Variants in SPRED2 observed in about 807,000 individuals in gnomAD.
SPRED2 encodes the protein sprouty-related, EVH1 domain-containing protein 2.
In SPRED2, 47 loss-of-function variants were observed where a neutral mutation model predicts 43.0. That is an observed-to-expected ratio of 1.09 (90% CI 0.87 to 1.40). The LOEUF (loss-of-function observed/expected upper bound fraction) is 1.40, where lower values mean the gene tolerates loss of function less well. Ranked by LOEUF, SPRED2 falls within the 40% of genes most tolerant of loss-of-function variation. The pLI, the probability that SPRED2 is intolerant of heterozygous loss-of-function variation, is 0.00. For synonymous variants in SPRED2, 225 were observed against 225.7 expected, an observed-to-expected ratio of 1.00 and a Z score of 0.03; for missense variants, 561 against 586.4, an observed-to-expected ratio of 0.96 and a Z score of 0.45.
chr2:65,374,517 C>T (rs1272410772), intron 1 of SPRED2, among the ~76,000 whole-genome samples: 3 of 152,170 alleles, frequency 2.0e-5, no homozygotes, highest in Non-Finnish European at 4.4e-5. Context: ...AAACAAATCC[C>T]AAAATTCTGT....
In SPRED2 at chr2:65,311,307, G is replaced by C; in HGVS notation, c.*2194C>G. ...CATGGCTGTCTTTGTGCCCTTAACC[G>C]ATGCCTTCACAAACCAAAAAGTATA... is the stretch of plus-strand genomic sequence containing the variant. On this transcript the variant is annotated 3_prime_UTR_variant, in exon 6 of 6. Transcript: ENST00000356388. 1.0e-6 allele frequency: 1 copy of C among 985,794 alleles called. No homozygotes were observed. Among genetic ancestry groups the C allele is most frequent in the Non-Finnish European group, 1.2e-6 (1 of 829,910 alleles). The allele number at this position is 985,794 out of a possible 1,614,324, so 61.1% of individuals were successfully genotyped here. A position where few individuals can be genotyped will look rare whatever the true frequency, so the allele number is the denominator to read the frequency against.
chr2:65,317,171 G>T (rs1236044353), intron 4 of SPRED2, among the ~76,000 whole-genome samples: 1 of 152,148 alleles, frequency 6.6e-6, no homozygotes, highest in East Asian at 1.9e-4. Context: ...GGGGGGAAAG[G>T]CTGGATATAC....
At chr2:65,387,895 C>T (rs990042714) in intron 1 of SPRED2, among the ~76,000 whole-genome samples, 2 of 151,862 alleles carry the variant, frequency 1.3e-5, no homozygotes, top group African/African-American at 2.4e-5. Context: ...CACATTCAAG[C>T]GATTCTCCTG....
intron 1 of SPRED2, among the ~76,000 whole-genome samples, chr2:65,401,937 G>GCGCGCGCGCACACACACACACACA (rs776512353): frequency 8.7e-6 from 1 of 114,714 alleles, no homozygotes; most frequent in South Asian, 2.6e-4. Context: ...GCGCGCGCGC[G>GCGCGCGCGCACACACACACACACA]CACACACACA....
chr2:65,349,159 T>C (rs1387861765), intron 1 of SPRED2, among the ~76,000 whole-genome samples: 2 of 151,924 alleles, frequency 1.3e-5, no homozygotes, highest in African/African-American at 4.8e-5. Flanking sequence ...GTACAAAAAT[T>C]AGCTGGGCGT....
Position 65,431,994 on chromosome 2 carries a change from G to C in SPRED2, c.-7C>G, listed in dbSNP as rs772107293. The C allele has an allele frequency of 5.0e-6, 8 of 1,613,786 alleles. No individual in the cohort carries two copies. In the East Asian group the frequency reaches 6.7e-5, roughly 13 times the overall value. ...GGTGTGTTTCTTCGGTCATTTTCTT[G>C]TTCACCTAGACGCCTGTCCCGCGGC... On this transcript the variant is annotated 5_prime_UTR_variant, in exon 1 of 6. Coordinates refer to ENST00000356388, the MANE Select transcript of SPRED2 (RefSeq NM_181784.3).
intron 1 of SPRED2, among the ~76,000 whole-genome samples, chr2:65,363,014 T>G (rs34656655): frequency 0.22 from 16,864 of 75,664 alleles, 1,429 homozygotes; most frequent in Non-Finnish European, 0.27. Flanking sequence ...TGTTTTTTTT[T>G]TTTTTTTTTT....
In SPRED2 at chr2:65,398,334, A is replaced by T. The variant is rs981068175; in HGVS notation, c.26+33628T>A. Among the ~76,000 whole-genome samples, 6 of 152,338 alleles carry T rather than the reference A, an allele frequency of 3.9e-5. No individual in the cohort carries two copies. In the East Asian group the frequency reaches 9.6e-4, roughly 24 times the overall value. ...CTTCTAGACATTGGCTTAGGCAAAGACTTCATGACCAAGAACCCCAAAGCA... is the reference window on the plus strand; with the variant it reads ...CTTCTAGACATTGGCTTAGGCAAAGTCTTCATGACCAAGAACCCCAAAGCA... On this transcript the variant is annotated intron_variant, in intron 1 of 5. Coordinates refer to ENST00000356388, the MANE Select transcript of SPRED2 (RefSeq NM_181784.3).
At chr2:65,391,493 T>C (rs1404968982) in intron 1 of SPRED2, among the ~76,000 whole-genome samples, 2 of 152,218 alleles carry the variant, frequency 1.3e-5, no homozygotes, top group Admixed American at 1.3e-4. Flanking sequence ...TATTGGATTT[T>C]CATTCAGTTT....
chr2:65,310,504 C>CACACAT (rs1558642732), downstream of SPRED2, among the ~76,000 whole-genome samples: 1 of 144,350 alleles, frequency 6.9e-6, no homozygotes, highest in African/African-American at 2.6e-5. Context: ...CACACACACA[C>CACACAT]ATATCCCTGA....
intron 1 of SPRED2, among the ~76,000 whole-genome samples, chr2:65,393,719 TCCTGGTCTGTGGCCC>T (rs1675691736): frequency 6.6e-6 from 1 of 152,210 alleles, no homozygotes; most frequent in Admixed American, 6.5e-5. Context: ...TATTGGTGTC[TCCTGGTCTGTGGCCC>T]CCTTCTCAAA....
intron 1 of SPRED2, among the ~76,000 whole-genome samples, chr2:65,427,144 T>A (rs1478408865): frequency 6.6e-6 from 1 of 152,184 alleles, no homozygotes; most frequent in Non-Finnish European, 1.5e-5. Flanking sequence ...CGATCACAGC[T>A]CATTGCAGCC....
intron 1 of SPRED2, among the ~76,000 whole-genome samples, chr2:65,428,368 G>A (rs34875083): frequency 0.12 from 18,369 of 152,210 alleles, 1,679 homozygotes; most frequent in Non-Finnish European, 0.17. Context: ...TTAAATACAC[G>A]TTACAAACGC....
At chr2:65,431,070 T>C (rs1348997030) in intron 1 of SPRED2, among the ~76,000 whole-genome samples, 2 of 151,688 alleles carry the variant, frequency 1.3e-5, no homozygotes, top group Non-Finnish European at 2.9e-5. Context: ...AGGAGGCAGC[T>C]GCACCTCCGC....
intron 1 of SPRED2, among the ~76,000 whole-genome samples, chr2:65,366,305 A>AAACGACAACAAC: frequency 6.6e-6 from 1 of 151,556 alleles, no homozygotes; most frequent in East Asian, 1.9e-4. Context: ...TAATAATAAA[A>AAACGACAACAAC]AACAACAACA....
chr2:65,342,754 C>A (rs988955019), intron 2 of SPRED2, among the ~76,000 whole-genome samples: 2 of 152,054 alleles, frequency 1.3e-5, no homozygotes, highest in African/African-American at 4.8e-5. Context: ...AATGTTAGGG[C>A]AATGTTGTTT....
In SPRED2 at chr2:65,313,191, C is replaced by T; in HGVS notation, c.*310G>A. ...GGGAGGAGGAAACAGGAAATCAACA[C>T]ATGGATGAGACAGTTAGCTTGGTTA... On this transcript the variant is annotated 3_prime_UTR_variant, in exon 6 of 6. Transcript: ENST00000356388. 2 of 1,088,054 alleles carry T rather than the reference C, an allele frequency of 1.8e-6. No homozygotes were observed. The highest frequency in any genetic ancestry group is 5.6e-5 in the East Asian group (1 of 17,778). The allele number at this position is 1,088,054 out of a possible 1,614,324, so 67.4% of individuals were successfully genotyped here. A position where few individuals can be genotyped will look rare whatever the true frequency, so the allele number is the denominator to read the frequency against.
In SPRED2 at chr2:65,313,035, A is replaced by G. The variant is rs1390308649; in HGVS notation, c.*466T>C. ...TCTCACATCCCATTTCCGCTGAACCAGATGCTTGCTAGCGACAGGCAAGGT... is the reference window on the plus strand; with the variant it reads ...TCTCACATCCCATTTCCGCTGAACCGGATGCTTGCTAGCGACAGGCAAGGT... On this transcript the variant is annotated 3_prime_UTR_variant, in exon 6 of 6. Transcript: ENST00000356388. 3.3e-5 allele frequency: 33 copies of G among 986,806 alleles called. No individual in the cohort carries two copies. The highest frequency in any genetic ancestry group is 4.0e-5 in the Non-Finnish European group (33 of 831,022). 61.1% of individuals were successfully genotyped at this position (986,806 alleles called of 1,614,324 possible). A position where few individuals can be genotyped will look rare whatever the true frequency, so the allele number is the denominator to read the frequency against.
At position 65,344,778 on chromosome 2, in the gene SPRED2, G is replaced by C. The variant is rs758755344; in HGVS notation, c.145C>G (p.Pro49Ala). Residue 49 changes from proline to alanine, a missense_variant, in exon 2 of 6, where the codon CCC (proline) becomes GCC (alanine). Transcript: ENST00000356388. ...AAGCCGCTTCGTCCATTGCCTTCGG[G>C]GTGCATGACCTTACAGACCCCGACG... ...SRVGVCKVMH[P>A]EGNGRSGFLI... 3.1e-6 allele frequency: 5 copies of C among 1,614,096 alleles called. No individual in the cohort carries two copies. The highest frequency in any genetic ancestry group is 4.2e-6 in the Non-Finnish European group (5 of 1,180,010).
Sources: gnomAD v4.1 joint callset for allele counts (sites outside exome capture counted in the v4.1 genomes callset) on GRCh38, gnomAD v4.1.1 for gene constraint, MANE v1.5 for transcripts, NCBI Gene and HGNC (gene_info 2026-07-23, HGNC 2026-07-21) for gene names.